OTUD7A: variants seen among roughly 807,000 people sequenced by gnomAD.
The protein encoded by OTUD7A is OTU deubiquitinase 7A, also known as OTU domain-containing protein 7A.
OTUD7A carries 12 observed loss-of-function variants against 65.7 expected under a neutral mutation model. The ratio of observed to expected loss-of-function variants is 0.18; its 90% CI spans 0.12 to 0.30. The LOEUF is 0.30. Among genes scored for constraint, OTUD7A ranks in the 10% least tolerant of loss-of-function variants. The probability of loss-of-function intolerance (pLI) is 1.00; values close to 1 mark genes in which losing one functional copy is unlikely to be tolerated. For synonymous variants in OTUD7A, 641 were observed against 586.3 expected (o/e 1.09, Z -1.35); for missense variants, 1,148 against 1,304.8 (o/e 0.88, Z 1.85).
At chr15:31,546,856 A>G (rs1283011023) in intron 5 of OTUD7A, among the ~76,000 whole-genome samples, 1 of 152,264 alleles carries the variant, frequency 6.6e-6, no homozygotes, top group East Asian at 1.9e-4. Flanking sequence ...GATAAGCAGA[A>G]GAATCCAGAA....
At chr15:31,629,647 G>A (rs1891079276) in intron 3 of OTUD7A, among the ~76,000 whole-genome samples, 1 of 152,116 alleles carries the variant, frequency 6.6e-6, no homozygotes. Context: ...TCTATTGATT[G>A]GAATAGTTTC....
chr15:31,822,251 T>C (rs1467399687), intron 1 of OTUD7A, among the ~76,000 whole-genome samples: 1 of 152,150 alleles, frequency 6.6e-6, no homozygotes, highest in East Asian at 1.9e-4. Flanking sequence ...GAAAATGGCA[T>C]AGTGAGAAAC....
intron 1 of OTUD7A, among the ~76,000 whole-genome samples, chr15:31,797,547 C>T (rs984193247): frequency 6.6e-6 from 1 of 152,214 alleles, no homozygotes; most frequent in Admixed American, 6.5e-5. Context: ...AGGGCCTTGC[C>T]CTGTCCTTCT....
intron 1 of OTUD7A, among the ~76,000 whole-genome samples, chr15:31,866,896 G>A (rs1392406204): frequency 6.6e-6 from 1 of 152,220 alleles, no homozygotes; most frequent in Non-Finnish European, 1.5e-5. Flanking sequence ...AATGGAATGA[G>A]AAGCATAAAG....
At chr15:31,537,938 C>T (rs1256726042) in intron 5 of OTUD7A, among the ~76,000 whole-genome samples, 1 of 152,198 alleles carries the variant, frequency 6.6e-6, no homozygotes, top group Non-Finnish European at 1.5e-5. Context: ...CGCCCCACAG[C>T]GTTTCCCTCC....
intron 8 of OTUD7A, among the ~76,000 whole-genome samples, chr15:31,509,126 C>T (rs964977036): frequency 1.3e-5 from 2 of 151,758 alleles, no homozygotes; most frequent in Admixed American, 6.6e-5. Flanking sequence ...CTTTTTAAAA[C>T]TTTTTATAAT....
intron 1 of OTUD7A, among the ~76,000 whole-genome samples, chr15:31,846,962 G>C (rs897154386): frequency 5.3e-5 from 8 of 152,236 alleles, no homozygotes; most frequent in African/African-American, 1.7e-4. Context: ...TAAATTTAGA[G>C]ATAGAGACAA....
intron 1 of OTUD7A, among the ~76,000 whole-genome samples, chr15:31,756,980 G>A (rs1297356046): frequency 1.3e-5 from 2 of 152,112 alleles, no homozygotes; most frequent in Admixed American, 1.3e-4. Flanking sequence ...CCTCAAAGCA[G>A]GAGATCTCTC....
At position 31,483,468 on chromosome 15, in the gene OTUD7A, C is replaced by CGCGTCG. The variant is rs748063208; in HGVS notation, c.2622_2627dup (p.Asp875_Ala876dup). ...ACTCACCGTTCGAGCGCGCGGTCGG[C>CGCGTCG]GCGTCGGCGTCGGCGAACTCCAGGC... On this transcript the variant is annotated inframe_insertion, in exon 13 of 13. Transcript: ENST00000307050. 6.5e-6 allele frequency: 9 copies of CGCGTCG among 1,382,954 alleles called. No homozygotes were observed. Among genetic ancestry groups the CGCGTCG allele is most frequent in the South Asian group, 1.4e-5 (1 of 69,516 alleles). The allele number at this position is 1,382,954 out of a possible 1,614,324, so 85.7% of individuals were successfully genotyped here. A position where few individuals can be genotyped will look rare whatever the true frequency, so the allele number is the denominator to read the frequency against.
At chr15:31,520,016 T>C (rs561666127) in intron 8 of OTUD7A, among the ~76,000 whole-genome samples, 17 of 152,146 alleles carry the variant, frequency 1.1e-4, no homozygotes, top group Non-Finnish European at 2.1e-4. Context: ...TGGAAAAACA[T>C]CCCATGCTCA....
At chr15:31,829,353 T>C (rs1896875271) in intron 1 of OTUD7A, among the ~76,000 whole-genome samples, 1 of 152,178 alleles carries the variant, frequency 6.6e-6, no homozygotes, top group South Asian at 2.1e-4. Context: ...CCACATTTGA[T>C]CTTTCATCCA....
intron 5 of OTUD7A, 63 bp downstream of exon 5, chr15:31,558,906 G>C: frequency 6.5e-7 from 1 of 1,548,900 alleles, no homozygotes; most frequent in African/African-American, 1.4e-5. Flanking sequence ...CATAGAGTAG[G>C]TTAGGCCAGC....
chr15:31,769,063 C>T (rs1391752330), intron 1 of OTUD7A, among the ~76,000 whole-genome samples: 1 of 152,124 alleles, frequency 6.6e-6, no homozygotes, highest in Non-Finnish European at 1.5e-5. Context: ...TAATAGACAT[C>T]GATTATTGGA....
chr15:31,694,991 A>G (rs531654021), intron 1 of OTUD7A, among the ~76,000 whole-genome samples: 7 of 151,862 alleles, frequency 4.6e-5, no homozygotes, highest in Non-Finnish European at 8.8e-5. Context: ...GACTACAGGC[A>G]CCCACCACCA....
At chr15:31,825,865 T>C (rs549439555) in intron 1 of OTUD7A, among the ~76,000 whole-genome samples, 25 of 152,344 alleles carry the variant, frequency 1.6e-4, no homozygotes, top group South Asian at 4.1e-4. Context: ...CCAAAATCCA[T>C]TGGGGCAGTC....
At chr15:31,526,513 C>G in intron 7 of OTUD7A, 52 bp from the exon 8 acceptor site, 2 of 1,410,378 alleles carry the variant, frequency 1.4e-6, no homozygotes, top group Non-Finnish European at 1.9e-6. Flanking sequence ...CTGCGCTGCC[C>G]TCCTCTCCTC....
chr15:31,563,624 C>T (rs146845873), intron 4 of OTUD7A, among the ~76,000 whole-genome samples: 1 of 152,344 alleles, frequency 6.6e-6, no homozygotes, highest in African/African-American at 2.4e-5. Flanking sequence ...TGGAGAATGT[C>T]AGGTGGTGCT....
intron 1 of OTUD7A, among the ~76,000 whole-genome samples, chr15:31,755,541 G>A (rs901831970): frequency 6.6e-6 from 1 of 152,086 alleles, no homozygotes; most frequent in African/African-American, 2.4e-5. Context: ...CTAACACGGT[G>A]AAACCCCGTC....
At chr15:31,772,551 G>C (rs1448299105) in intron 1 of OTUD7A, among the ~76,000 whole-genome samples, 1 of 152,184 alleles carries the variant, frequency 6.6e-6, no homozygotes, top group Non-Finnish European at 1.5e-5. Flanking sequence ...TACTTAGGTA[G>C]CTTGGTAAAA....
Sources: allele counts gnomAD v4.1 joint callset (sites outside exome capture counted in the v4.1 genomes callset), GRCh38; gene constraint gnomAD v4.1.1; transcripts MANE v1.5; gene names NCBI Gene and HGNC (gene_info 2026-07-23, HGNC 2026-07-21).